TGDS: variants seen among roughly 807,000 people sequenced by gnomAD.
TGDS encodes the protein TDP-glucose 4,6-dehydratase.
TGDS carries 47 observed loss-of-function variants against 52.3 expected under a neutral mutation model. The observed-to-expected ratio is 0.90, with a 90% CI of 0.71 to 1.15. The LOEUF is 1.15. Ranked by LOEUF, TGDS falls within the 50% of genes most tolerant of loss-of-function variation. The pLI is 0.00. For synonymous variants in TGDS, 115 were observed against 136.9 expected (o/e 0.84, Z 1.12); for missense variants, 375 against 418.4 (o/e 0.90, Z 0.90).
At chr13:94,592,382 T>C in intron 2 of TGDS, 73 bp from the exon 3 acceptor site, 2 of 1,178,514 alleles carry the variant, frequency 1.7e-6, no homozygotes, top group Non-Finnish European at 2.4e-6. Context: ...ACCAATTTAT[T>C]TTAAAGACTA....
chr13:94,578,778 A>G lies in TGDS; in HGVS notation c.616-5T>C. 1 of 1,475,596 alleles carries G rather than the reference A, an allele frequency of 6.8e-7. No homozygotes were observed. The highest frequency in any genetic ancestry group is 9.4e-7 in the Non-Finnish European group (1 of 1,060,306). 91.4% of individuals were successfully genotyped at this position (1,475,596 alleles called of 1,614,324 possible). On this transcript the variant is annotated splice_polypyrimidine_tract_variant and splice_region_variant and intron_variant, in intron 7 of 11. Transcript: ENST00000261296. ...AGATATAAATTTTGGAATAACCTAA[A>G]AGAATATTTAAATATCATTTCAGAC...
chr13:94,577,552 AC>A (rs1484449771), intron 9 of TGDS, 123 bp from the exon 10 acceptor site: 2 of 681,114 alleles, frequency 2.9e-6, no homozygotes, highest in Non-Finnish European at 4.7e-6. Context: ...GCTAAAATGA[AC>A]ATCATTTTAG....
intron 6 of TGDS, 100 bp from the exon 7 acceptor site, chr13:94,580,053 A>G (rs1340295892): frequency 3.4e-5 from 24 of 714,510 alleles, no homozygotes; most frequent in Non-Finnish European, 5.2e-5. Context: ...CTTTGCCTAA[A>G]TAATTCCACA....
Position 94,574,537 on chromosome 13 carries a change from T to A in TGDS, c.*245A>T, listed in dbSNP as rs1357010529. ...CTGGCTACCCTTAGGGAGAGTCTTC[T>A]ACACCTATTATTTCCTAGTTTCTAG... is the stretch of plus-strand genomic sequence containing the variant. On this transcript the variant is annotated 3_prime_UTR_variant, in exon 12 of 12. Coordinates refer to ENST00000261296, the MANE Select transcript of TGDS (RefSeq NM_014305.4). 2.3e-6 allele frequency: 1 copy of A among 433,544 alleles called. No individual in the cohort carries two copies. Among genetic ancestry groups the A allele is most frequent in the Non-Finnish European group, 4.1e-6 (1 of 243,726 alleles). 26.9% of individuals were successfully genotyped at this position (433,544 alleles called of 1,614,324 possible).
rs540816931 is a variant in TGDS, at chr13:94,574,493, C to T, written c.*289G>A. ...AGCACCACTACCCCTCATGGTTGTC[C>T]GAATCAGGAGACTTCTTCCTGGCTA... On this transcript the variant is annotated 3_prime_UTR_variant, in exon 12 of 12. Transcript: ENST00000261296. 33 of 268,524 alleles carry T rather than the reference C, an allele frequency of 1.2e-4. 1 individual carries two copies. The highest frequency in any genetic ancestry group is 6.9e-4 in the South Asian group (7 of 10,114). The allele number at this position is 268,524 out of a possible 1,614,324, so 16.6% of individuals were successfully genotyped here. A position where few individuals can be genotyped will look rare whatever the true frequency, so the allele number is the denominator to read the frequency against.
In TGDS at chr13:94,574,723, A is replaced by G; in HGVS notation, c.*59T>C. Reference sequence around the variant, plus strand: ...TCATTTGGTCACTTAATTTCATACCACTTGGCGAGGTAGGATAACTTTCTT... The same window carrying G: ...TCATTTGGTCACTTAATTTCATACCGCTTGGCGAGGTAGGATAACTTTCTT... On this transcript the variant is annotated 3_prime_UTR_variant, in exon 12 of 12. Coordinates refer to ENST00000261296, the MANE Select transcript of TGDS (RefSeq NM_014305.4). 1 of 1,033,294 alleles carries G rather than the reference A, an allele frequency of 9.7e-7. No homozygotes were observed. Among genetic ancestry groups the G allele is most frequent in the South Asian group, 1.4e-5 (1 of 73,336 alleles). 64.0% of individuals were successfully genotyped at this position (1,033,294 alleles called of 1,614,324 possible). A position where few individuals can be genotyped will look rare whatever the true frequency, so the allele number is the denominator to read the frequency against.
upstream of TGDS, chr13:94,596,203 C>A: frequency 6.6e-7 from 1 of 1,504,340 alleles, no homozygotes; most frequent in Non-Finnish European, 9.0e-7. Context: ...AGTTCCGCCG[C>A]GACCTTTTGC....
At chr13:94,578,913 C>CT in intron 7 of TGDS, 140 bp from the exon 8 acceptor site, 1 of 505,730 alleles carries the variant, frequency 2.0e-6, no homozygotes, top group Admixed American at 3.9e-5. Flanking sequence ...ATTAAAAAAC[C>CT]TACTATAGTA....
chr13:94,593,767 AG>A, intron 2 of TGDS, 73 bp downstream of exon 2: 3 of 1,091,400 alleles, frequency 2.7e-6, no homozygotes, highest in Non-Finnish European at 4.1e-6. Flanking sequence ...CAGCATGACA[AG>A]ATTCTAGTAC....
rs550243816 is a variant in TGDS at position 94,583,277 on chromosome 13, C to A, written c.314-41G>T. On this transcript the variant is annotated intron_variant, in intron 4 of 11. Transcript: ENST00000261296. ...GAAAAGCTAAAACAAGTCTACCCAA[C>A]GGATAAAACAAATGCCAAATGATGG... 3.8e-5 allele frequency: 60 copies of A among 1,589,864 alleles called. No homozygotes were observed. The South Asian group carries it at 6.7e-4, about 18-fold the overall frequency.
chr13:94,575,420 G>A (rs975074633), intron 11 of TGDS, among the ~76,000 whole-genome samples: 5 of 150,708 alleles, frequency 3.3e-5, no homozygotes, highest in African/African-American at 4.9e-5. Flanking sequence ...CTCCTAAATA[G>A]CTAGGACTAC....
intron 8 of TGDS, 56 bp downstream of exon 8, chr13:94,578,674 C>T (rs1888685512): frequency 1.5e-6 from 2 of 1,335,018 alleles, no homozygotes; most frequent in South Asian, 2.5e-5. Flanking sequence ...GAAAGTGTCA[C>T]CAAATACTCT....
At chr13:94,579,764 T>C in intron 7 of TGDS, 130 bp downstream of exon 7, 1 of 566,220 alleles carries the variant, frequency 1.8e-6, no homozygotes, top group East Asian at 3.1e-5. Context: ...GCAAGTGGTG[T>C]TATACAGCAT....
chr13:94,580,588 G>C (rs755754823), intron 6 of TGDS, among the ~76,000 whole-genome samples: 1 of 152,088 alleles, frequency 6.6e-6, no homozygotes, highest in Non-Finnish European at 1.5e-5. Context: ...GAAGCACATG[G>C]CAGAAAGGGG....
intron 5 of TGDS, 93 bp downstream of exon 5, chr13:94,583,001 T>C: frequency 1.5e-6 from 2 of 1,347,990 alleles, no homozygotes; most frequent in Non-Finnish European, 1.0e-6. Context: ...CAAGTGTATA[T>C]AATTTGAGGA....
At chr13:94,575,282 TTGC>T (rs1234441615) in intron 11 of TGDS, among the ~76,000 whole-genome samples, 3 of 145,954 alleles carry the variant, frequency 2.1e-5, no homozygotes, top group Non-Finnish European at 1.5e-5. Flanking sequence ...GTGAACTTCC[TTGC>T]TTTTTTTTTT....
In TGDS at chr13:94,574,785, T is replaced by C. The variant is rs761671728; in HGVS notation, c.1050A>G (p.Val350=). 46 of 1,596,652 alleles carry C rather than the reference T, an allele frequency of 2.9e-5. No homozygotes were observed. In the Middle Eastern group the frequency reaches 8.3e-4, roughly 29 times the overall value. The change falls in exon 12 of 12, where the codon GTA becomes GTG. Residue 350 remains valine (V), a synonymous_variant. Coordinates refer to ENST00000261296, the MANE Select transcript of TGDS (RefSeq NM_014305.4). ...NVEKALEPFP[V] ...GTCTCGACTATATAAATGGTGATTA[T>C]ACCGGAAAGGGTTCTAATGCCTTTT...
At chr13:94,589,908 T>A (rs896107663) in intron 4 of TGDS, among the ~76,000 whole-genome samples, 1 of 152,220 alleles carries the variant, frequency 6.6e-6, no homozygotes, top group East Asian at 1.9e-4. Context: ...TATGATCTGT[T>A]ATATAGCCAA....
intron 1 of TGDS, 77 bp from the exon 2 acceptor site, chr13:94,593,984 A>G: frequency 1.2e-6 from 1 of 857,096 alleles, no homozygotes; most frequent in African/African-American, 1.7e-5. Context: ...TAAGGTGTTG[A>G]GTACTAGGAA....
Sources: allele counts gnomAD v4.1 joint callset (sites outside exome capture counted in the v4.1 genomes callset), GRCh38; gene constraint gnomAD v4.1.1; transcripts MANE v1.5; gene names NCBI Gene and HGNC (gene_info 2026-07-23, HGNC 2026-07-21).